CSNK2A2: variants seen among roughly 807,000 people sequenced by gnomAD.
CSNK2A2 encodes casein kinase 2 alpha 2.
CSNK2A2 carries 8 observed loss-of-function variants against 54.0 expected under a neutral mutation model. That is an observed-to-expected ratio of 0.15 (90% CI 0.09 to 0.27). The LOEUF is 0.27. Among genes scored for constraint, CSNK2A2 ranks in the 10% least tolerant of loss-of-function variants. CSNK2A2 has a pLI of 1.00. For missense variants in CSNK2A2, 242 were observed against 439.4 expected, an observed-to-expected ratio of 0.55 and a Z score of 4.02; for synonymous variants, 141 against 153.9, an observed-to-expected ratio of 0.92 and a Z score of 0.62.
At chr16:58,194,805 A>C (rs1212569344) in intron 2 of CSNK2A2, among the ~76,000 whole-genome samples, 2 of 152,220 alleles carry the variant, frequency 1.3e-5, no homozygotes, top group African/African-American at 4.8e-5. Flanking sequence ...TACGCCAAGA[A>C]TCTTTAAAGT....
intron 6 of CSNK2A2, among the ~76,000 whole-genome samples, chr16:58,168,046 CT>C (rs2142413504): frequency 6.6e-6 from 1 of 152,196 alleles, no homozygotes; most frequent in Admixed American, 6.5e-5. Context: ...AGAGCTCAAC[CT>C]TTTTTTCTGC....
rs527723255 is a variant in CSNK2A2 at position 58,167,214 on chromosome 16, T to C, written c.719A>G (p.Tyr240Cys). 4 of 1,610,882 alleles carry C rather than the reference T, an allele frequency of 2.5e-6. No homozygotes were observed. The highest frequency in any genetic ancestry group is 4.5e-5 in the East Asian group (2 of 44,766). Residue 240 changes from tyrosine to cysteine, a missense_variant, in exon 8 of 12, where the codon TAT (tyrosine) becomes TGT (cysteine). Physicochemically the swap from Tyr to Cys is radical, Grantham distance 194. Transcript: ENST00000262506. ...CAGAAAGCATTTGCTCACCTGGTCA[T>C]AGTTGTCCTGTCCATGGAAGAATGG... The part of the protein sequence containing the change: ...REPFFHGQDN[Y>C]DQLVRIAKVL...
chr16:58,187,649 G>A (rs1962224015), intron 2 of CSNK2A2, among the ~76,000 whole-genome samples: 1 of 152,220 alleles, frequency 6.6e-6, no homozygotes, highest in Admixed American at 6.5e-5. Flanking sequence ...AATCAAGTAT[G>A]CTTTATAAGG....
intron 5 of CSNK2A2, among the ~76,000 whole-genome samples, chr16:58,173,472 G>A (rs1961793840): frequency 6.6e-6 from 1 of 152,164 alleles, no homozygotes; most frequent in Non-Finnish European, 1.5e-5. Context: ...CAAAAATCTA[G>A]GACCCATGGG....
At chr16:58,182,865 T>C (rs1374508991) in intron 4 of CSNK2A2, among the ~76,000 whole-genome samples, 1 of 152,214 alleles carries the variant, frequency 6.6e-6, no homozygotes, top group Non-Finnish European at 1.5e-5. Flanking sequence ...GTTATGCTAC[T>C]GAATGAAAAA....
At chr16:58,186,365 T>C (rs922413567) in intron 3 of CSNK2A2, among the ~76,000 whole-genome samples, 13 of 152,226 alleles carry the variant, frequency 8.5e-5, no homozygotes, top group Admixed American at 5.9e-4. Flanking sequence ...GAGATATTCA[T>C]TCTTTCCTTG....
At chr16:58,168,782 C>T in intron 5 of CSNK2A2, 89 bp from the exon 6 acceptor site, 1 of 1,019,804 alleles carries the variant, frequency 9.8e-7, no homozygotes, top group Non-Finnish European at 1.5e-6. Flanking sequence ...GACACCTTGA[C>T]TTGAATACAG....
intron 6 of CSNK2A2, 115 bp downstream of exon 6, chr16:58,168,495 A>G (rs1262934155): frequency 1.1e-5 from 8 of 714,756 alleles, no homozygotes; most frequent in Middle Eastern, 2.4e-4. Flanking sequence ...CACAGTAACG[A>G]AAGTTTGCCA....
chr16:58,185,972 G>A (rs1413268948), intron 3 of CSNK2A2, among the ~76,000 whole-genome samples: 1 of 152,206 alleles, frequency 6.6e-6, no homozygotes, highest in African/African-American at 2.4e-5. Context: ...TTATTATGAG[G>A]ATGTCTTTAG....
In CSNK2A2 at chr16:58,167,715, G is replaced by T; in HGVS notation, c.594C>A (p.Phe198Leu). 6.2e-7 allele frequency: 1 copy of T among 1,614,012 alleles called. No homozygotes were observed. The highest frequency in any genetic ancestry group is 8.5e-7 in the Non-Finnish European group (1 of 1,179,888). ...AGTCCACGAGGAGCTCTGGTCCCTT[G>T]AAGTACCTTGAGGCTACACGAACAT... ...EYNVRVASRY[F>L]KGPELLVDYQ... Residue 198 changes from phenylalanine (F) to leucine (L), a missense_variant, in exon 7 of 12, where the codon TTC becomes TTA. Phe to Leu is a conservative substitution (Grantham distance 22). Transcript: ENST00000262506.
intron 9 of CSNK2A2, 41 bp from the exon 10 acceptor site, chr16:58,165,749 T>C: frequency 6.3e-7 from 1 of 1,586,514 alleles, no homozygotes; most frequent in Non-Finnish European, 8.6e-7. Flanking sequence ...GAGACTAAAT[T>C]CAACAAGAAT....
intron 5 of CSNK2A2, among the ~76,000 whole-genome samples, chr16:58,171,273 C>G (rs903887811): frequency 4.6e-5 from 7 of 152,070 alleles, no homozygotes; most frequent in African/African-American, 1.7e-4. Flanking sequence ...GCCTGTAATC[C>G]CAGCAGTTTG....
intron 4 of CSNK2A2, among the ~76,000 whole-genome samples, chr16:58,181,872 G>A (rs1962052055): frequency 1.3e-5 from 2 of 152,054 alleles, no homozygotes; most frequent in Non-Finnish European, 2.9e-5. Flanking sequence ...GTGCAAATGA[G>A]AAAATCCTAA....
At chr16:58,161,890 A>ACC (rs1185277220) in intron 11 of CSNK2A2, 2 of 152,130 alleles carry the variant, frequency 1.3e-5, no homozygotes, top group African/African-American at 4.8e-5. Context: ...CAGTTACAAA[A>ACC]CCCCAGGACA....
At chr16:58,158,822 A>G (rs1961231195) in intron 11 of CSNK2A2, 1 of 152,158 alleles carries the variant, frequency 6.6e-6, no homozygotes, top group Admixed American at 6.5e-5. Flanking sequence ...ACTAATAAAC[A>G]AAGAGCAGTA....
At chr16:58,163,807 C>T (rs918401761) in intron 11 of CSNK2A2, 2 of 351,066 alleles carry the variant, frequency 5.7e-6, no homozygotes, top group African/African-American at 4.2e-5. Flanking sequence ...TCTCTATCTC[C>T]CATGCATTCC....
chr16:58,176,951 A>C (rs1302584161), intron 4 of CSNK2A2, among the ~76,000 whole-genome samples: 1 of 152,142 alleles, frequency 6.6e-6, no homozygotes. Context: ...CATACACAAC[A>C]GGGAGAAATG....
intron 5 of CSNK2A2, among the ~76,000 whole-genome samples, chr16:58,173,432 T>G (rs1232335208): frequency 6.6e-6 from 1 of 152,142 alleles, no homozygotes; most frequent in African/African-American, 2.4e-5. Context: ...CAGTTCATAG[T>G]TTTCATTAGG....
intron 11 of CSNK2A2, chr16:58,162,420 C>G (rs949585326): frequency 6.6e-6 from 1 of 152,126 alleles, no homozygotes; most frequent in African/African-American, 2.4e-5. Context: ...TTATTTTTTA[C>G]TCTATAAACT....
Sources: allele counts gnomAD v4.1 joint callset (sites outside exome capture counted in the v4.1 genomes callset), GRCh38; gene constraint gnomAD v4.1.1; transcripts MANE v1.5; gene names NCBI Gene and HGNC (gene_info 2026-07-23, HGNC 2026-07-21).